Variants in ADGRL2 observed in about 807,000 individuals in gnomAD.
ADGRL2 encodes the protein calcium-independent alpha-latrotoxin receptor 2.
ADGRL2 carries 44 observed loss-of-function variants against 157.4 expected under a neutral mutation model. That is an observed-to-expected ratio of 0.28 (90% CI 0.22 to 0.36). The LOEUF (loss-of-function observed/expected upper bound fraction) is 0.36. Among genes scored for constraint, ADGRL2 ranks in the 10% least tolerant of loss-of-function variants. ADGRL2 has a pLI of 1.00. For synonymous variants in ADGRL2, 585 were observed against 624.7 expected, an observed-to-expected ratio of 0.94 and a Z score of 0.95; for missense variants, 1,510 against 1,768.9, an observed-to-expected ratio of 0.85 and a Z score of 2.63.
At chr1:81,989,624 C>A (rs754271448) in intron 23 of ADGRL2, 2 of 1,596,516 alleles carry the variant, frequency 1.3e-6, no homozygotes, top group Non-Finnish European at 1.7e-6. Context: ...CATCATGTTA[C>A]AATAAATCAT....
chr1:81,970,679 A>G lies in ADGRL2; in HGVS notation c.2954+145A>G, dbSNP rs1239490822. ...ATGGGCATACCGTGCACAAATTACA[A>G]TCAAGTCTTTTGCAATTTTCTGGGT... On this transcript the variant is annotated intron_variant, in intron 16 of 23. Transcript: ENST00000686636. 20 of 540,840 alleles carry G rather than the reference A, an allele frequency of 3.7e-5. No homozygotes were observed. In the South Asian group the frequency reaches 6.1e-4, roughly 16 times the overall value. The allele number at this position is 540,840 out of a possible 1,614,324, so 33.5% of individuals were successfully genotyped here. A position where few individuals can be genotyped will look rare whatever the true frequency, so the allele number is the denominator to read the frequency against.
At chr1:81,448,379 C>T (rs2077641118) in intron 2 of ADGRL2, among the ~76,000 whole-genome samples, 1 of 151,950 alleles carries the variant, frequency 6.6e-6, no homozygotes, top group Non-Finnish European at 1.5e-5. Context: ...CTCCTGACCT[C>T]AGGTGATCCA....
At chr1:81,589,915 G>A (rs965712734) in intron 3 of ADGRL2, among the ~76,000 whole-genome samples, 1 of 152,090 alleles carries the variant, frequency 6.6e-6, no homozygotes, top group Non-Finnish European at 1.5e-5. Context: ...TGTAAACCCA[G>A]TAGAACCACT....
intron 1 of ADGRL2, among the ~76,000 whole-genome samples, chr1:81,817,791 A>T (rs12141748): frequency 6.6e-6 from 1 of 151,864 alleles, no homozygotes; most frequent in Non-Finnish European, 1.5e-5. Flanking sequence ...GAATGATTCA[A>T]TTTTTACCGT....
At chr1:81,888,873 A>G (rs1224165929) in intron 2 of ADGRL2, among the ~76,000 whole-genome samples, 3 of 152,192 alleles carry the variant, frequency 2.0e-5, no homozygotes, top group African/African-American at 7.2e-5. Context: ...AATTCCCACA[A>G]TATTTCAAGT....
At chr1:81,666,078 C>T (rs1349977023) in intron 3 of ADGRL2, among the ~76,000 whole-genome samples, 2 of 152,168 alleles carry the variant, frequency 1.3e-5, no homozygotes, top group Non-Finnish European at 2.9e-5. Flanking sequence ...CAGTAAAGCT[C>T]CTAGCCTGCC....
At position 81,993,917 on chromosome 1, in the gene ADGRL2, G is replaced by A. The variant is rs916742558; in HGVS notation, c.*2772G>A. On this transcript the variant is annotated 3_prime_UTR_variant, in exon 24 of 24. Coordinates refer to ENST00000686636, the MANE Select transcript of ADGRL2 (RefSeq NM_001366006.2). ...AAAAATAATAATAATAATAATAAAC[G>A]TTATCTTGTTGGCCAGACTGGTCTC... The A allele has an allele frequency of 2.8e-5, 6 of 214,014 alleles. No homozygotes were observed. The highest frequency in any genetic ancestry group is 1.5e-4 in the East Asian group (1 of 6,890). 13.3% of individuals were successfully genotyped at this position (214,014 alleles called of 1,614,324 possible).
intron 3 of ADGRL2, among the ~76,000 whole-genome samples, chr1:81,915,672 G>A (rs2094839436): frequency 6.6e-6 from 1 of 152,112 alleles, no homozygotes; most frequent in Non-Finnish European, 1.5e-5. Context: ...GGCTGGATAA[G>A]GGTAAGGGAA....
At chr1:81,945,547 C>G (rs375636969) in intron 6 of ADGRL2, among the ~76,000 whole-genome samples, 28 of 152,222 alleles carry the variant, frequency 1.8e-4, no homozygotes, top group African/African-American at 6.5e-4. Context: ...CCACAAAGTA[C>G]TTCAGCAAAT....
chr1:81,381,217 A>G (rs2076338648), intron 1 of ADGRL2, among the ~76,000 whole-genome samples: 1 of 152,102 alleles, frequency 6.6e-6, no homozygotes, highest in Admixed American at 6.6e-5. Flanking sequence ...ATGATATTTT[A>G]CTTTACAAAA....
intron 1 of ADGRL2, among the ~76,000 whole-genome samples, chr1:81,384,471 G>T (rs1036460273): frequency 2.0e-5 from 3 of 151,906 alleles, no homozygotes; most frequent in Admixed American, 6.6e-5. Flanking sequence ...GGTATGTGAA[G>T]GTAGGAAAAA....
chr1:81,368,365 C>G (rs919617485), intron 1 of ADGRL2, among the ~76,000 whole-genome samples: 2 of 152,138 alleles, frequency 1.3e-5, no homozygotes, highest in African/African-American at 4.8e-5. Flanking sequence ...GGCAGTAACT[C>G]TTAACTGGCT....
Position 81,376,624 on chromosome 1 carries a change from T to C in ADGRL2, c.-301-68412T>C, listed in dbSNP as rs1446825517. ...CTTTCCTCCCATCCCTCTCTCCCTT[T>C]CTCTTCTTCTTTATTCACTCTCTCC... On this transcript the variant is annotated intron_variant, in intron 1 of 24. Transcript: ENST00000370721. Among the ~76,000 whole-genome samples, 6 of 151,484 alleles carry C rather than the reference T, an allele frequency of 4.0e-5. No homozygotes were observed. The South Asian group carries it at 1.3e-3, about 32-fold the overall frequency.
intron 1 of ADGRL2, among the ~76,000 whole-genome samples, chr1:81,344,796 TG>T (rs1662361192): frequency 6.6e-6 from 1 of 152,182 alleles, no homozygotes; most frequent in South Asian, 2.1e-4. Context: ...TTTTCCAATT[TG>T]GCAAAGAAGC....
chr1:81,773,111 T>A (rs1347974012), intron 2 of ADGRL2, among the ~76,000 whole-genome samples: 2 of 152,180 alleles, frequency 1.3e-5, no homozygotes, highest in Non-Finnish European at 2.9e-5. Flanking sequence ...CCTATAATTT[T>A]TTAAACTGGA....
intron 2 of ADGRL2, among the ~76,000 whole-genome samples, chr1:81,487,108 A>AATT (rs537612028): frequency 7.4e-6 from 1 of 135,494 alleles, no homozygotes; most frequent in Non-Finnish European, 1.6e-5. Context: ...AAAAAAAAAA[A>AATT]AGAAAGTAAA....
intron 1 of ADGRL2, among the ~76,000 whole-genome samples, chr1:81,753,186 A>AG (rs1305800338): frequency 6.6e-6 from 1 of 152,190 alleles, no homozygotes; most frequent in African/African-American, 2.4e-5. Flanking sequence ...CAAAAGAAAG[A>AG]GGTTTAATTG....
At chr1:81,813,721 T>C (rs144884790) in intron 1 of ADGRL2, among the ~76,000 whole-genome samples, 80 of 151,890 alleles carry the variant, frequency 5.3e-4, no homozygotes, top group Middle Eastern at 6.8e-3. Context: ...TCTTAAATAA[T>C]ATAAAAAGAT....
intron 2 of ADGRL2, among the ~76,000 whole-genome samples, chr1:81,558,344 T>C (rs1159091713): frequency 3.9e-5 from 6 of 152,188 alleles, no homozygotes; most frequent in Admixed American, 1.3e-4. Context: ...TGCAAGAAAG[T>C]AATAGTTTAT....
Sources: gnomAD v4.1 joint callset for allele counts (sites outside exome capture counted in the v4.1 genomes callset) on GRCh38, gnomAD v4.1.1 for gene constraint, MANE v1.5 for transcripts, NCBI Gene and HGNC (gene_info 2026-07-23, HGNC 2026-07-21) for gene names.